ST3GAL1: variants seen among roughly 807,000 people sequenced by gnomAD.
ST3GAL1 encodes ST3 beta-galactoside alpha-2,3-sialyltransferase 1.
ST3GAL1 carries 16 observed loss-of-function variants against 34.1 expected under a neutral mutation model. That is an observed-to-expected ratio of 0.47 (90% CI 0.32 to 0.71). ST3GAL1 has a LOEUF of 0.71. Ranked by LOEUF, ST3GAL1 falls within the 30% of genes least tolerant of loss-of-function variation. The pLI is 0.04. For missense variants in ST3GAL1, 353 were observed against 447.4 expected (o/e 0.79, Z 1.90); for synonymous variants, 191 against 184.7 (o/e 1.03, Z -0.28).
intron 2 of ST3GAL1, among the ~76,000 whole-genome samples, chr8:133,501,264 C>T (rs1048328178): frequency 1.3e-5 from 2 of 152,156 alleles, no homozygotes; most frequent in Middle Eastern, 3.2e-3. Flanking sequence ...CAGGAAAACA[C>T]TCAGGCTCCT....
intron 5 of ST3GAL1, among the ~76,000 whole-genome samples, chr8:133,474,020 G>T (rs1353080110): frequency 6.6e-6 from 1 of 152,236 alleles, no homozygotes; most frequent in Non-Finnish European, 1.5e-5. Context: ...ACACAGTGGT[G>T]CTCAACACAG....
intron 3 of ST3GAL1, among the ~76,000 whole-genome samples, chr8:133,487,410 A>G (rs934642680): frequency 2.0e-5 from 3 of 152,194 alleles, no homozygotes; most frequent in African/African-American, 7.2e-5. Flanking sequence ...CCTCTGAGAA[A>G]TTCAGAACTG....
At chr8:133,471,561 A>G (rs986071262) in intron 5 of ST3GAL1, among the ~76,000 whole-genome samples, 1 of 152,214 alleles carries the variant, frequency 6.6e-6, no homozygotes, top group African/African-American at 2.4e-5. Context: ...TGAGGCTTAC[A>G]GAGGTGAAGT....
chr8:133,497,122 C>T (rs898889907), intron 3 of ST3GAL1, among the ~76,000 whole-genome samples: 6 of 152,238 alleles, frequency 3.9e-5, no homozygotes, highest in Non-Finnish European at 7.3e-5. Context: ...TGCACCCCTA[C>T]CTGGGCCCTG....
chr8:133,560,978 G>A (rs1029167153), intron 1 of ST3GAL1, among the ~76,000 whole-genome samples: 1 of 152,104 alleles, frequency 6.6e-6, no homozygotes, highest in African/African-American at 2.4e-5. Context: ...AGGCAATGCA[G>A]CCCAGCCCAG....
At chr8:133,497,143 G>A (rs1448078779) in intron 3 of ST3GAL1, among the ~76,000 whole-genome samples, 1 of 152,220 alleles carries the variant, frequency 6.6e-6, no homozygotes, top group African/African-American at 2.4e-5. Flanking sequence ...TCTGCCTGCT[G>A]CACCTCCCTC....
intron 5 of ST3GAL1, among the ~76,000 whole-genome samples, chr8:133,472,763 A>G (rs1020499569): frequency 6.6e-6 from 1 of 152,176 alleles, no homozygotes; most frequent in Non-Finnish European, 1.5e-5. Context: ...TAAACTTCAG[A>G]AAAAGACTGC....
rs1392707503 is a variant in ST3GAL1, at chr8:133,466,880, C to T, written c.307-790G>A. Among the ~76,000 whole-genome samples, 14 of 152,118 alleles carry T rather than the reference C, an allele frequency of 9.2e-5. No individual in the cohort carries two copies. The highest frequency in any genetic ancestry group is 7.2e-4 in the Admixed American group (11 of 15,276). ...TTGGGAGACCGAGGCAGGTGGATCACGAAGTCAGGAGTTTGAGACCAGCCT... is the reference window on the plus strand; with the variant it reads ...TTGGGAGACCGAGGCAGGTGGATCATGAAGTCAGGAGTTTGAGACCAGCCT... On this transcript the variant is annotated intron_variant, in intron 5 of 9. Transcript: ENST00000522652. The surrounding 1 kb of genome is among the most constrained non-coding windows in gnomAD (Gnocchi z 4.4).
chr8:133,476,408 TC>T lies in ST3GAL1; in HGVS notation c.-182del, dbSNP rs201903238. The T allele has an allele frequency of 5.0e-3, 823 of 165,564 alleles. 7 individuals carry two copies. The highest frequency in any genetic ancestry group is 0.019 in the African/African-American group (784 of 41,832). The allele number at this position is 165,564 out of a possible 1,614,324, so 10.3% of individuals were successfully genotyped here. On this transcript the variant is annotated 5_prime_UTR_variant, in exon 4 of 10. Transcript: ENST00000522652. ...AAGGGGTCATTAATCTCTGTGACAG[TC>T]CAGGGTCCCTCAGGAGCGAGGACCT...
At chr8:133,569,400 A>G (rs1278806881) in intron 1 of ST3GAL1, among the ~76,000 whole-genome samples, 1 of 152,258 alleles carries the variant, frequency 6.6e-6, no homozygotes, top group Non-Finnish European at 1.5e-5. Context: ...ACCTATACAT[A>G]CACACATTCA....
intron 1 of ST3GAL1, among the ~76,000 whole-genome samples, chr8:133,557,904 CA>C (rs543479046): frequency 0.13 from 8,643 of 65,352 alleles, 732 homozygotes; most frequent in African/African-American, 0.33. Context: ...GACTCCGTCT[CA>C]AAAAAAAAAA....
intron 2 of ST3GAL1, among the ~76,000 whole-genome samples, chr8:133,521,487 C>CG (rs1817807217): frequency 1.3e-5 from 2 of 152,108 alleles, no homozygotes; most frequent in South Asian, 4.1e-4. Flanking sequence ...TTATTAGAGA[C>CG]GGGGTTTCAT....
At chr8:133,495,575 G>C (rs560725236) in intron 3 of ST3GAL1, among the ~76,000 whole-genome samples, 3 of 152,306 alleles carry the variant, frequency 2.0e-5, no homozygotes, top group African/African-American at 7.2e-5. Flanking sequence ...ACATCTTGCT[G>C]GGTAGACAAA....
intron 5 of ST3GAL1, among the ~76,000 whole-genome samples, chr8:133,473,317 CAA>C (rs1563699652): frequency 6.6e-6 from 1 of 152,130 alleles, no homozygotes. Flanking sequence ...TTCTCTTTTG[CAA>C]AAGTCACCTA....
rs1241969812 is a variant in ST3GAL1 at position 133,469,859 on chromosome 8, C to G, written c.307-3769G>C. ...GCCTCACCTAACATCACAAGCCCCA[C>G]GCTTCAGAAATCTCAGACCCATTCC... On this transcript the variant is annotated intron_variant, in intron 5 of 9. Coordinates refer to ENST00000522652, the MANE Select transcript of ST3GAL1 (RefSeq NM_173344.3). This position sits in a 1 kb window ranked among gnomAD's most constrained non-coding sequence, Gnocchi z 4.3. Among the ~76,000 whole-genome samples, 1 of 152,128 alleles carries G rather than the reference C, an allele frequency of 6.6e-6. No homozygotes were observed. Among genetic ancestry groups the G allele is most frequent in the African/African-American group, 2.4e-5 (1 of 41,406 alleles).
intron 3 of ST3GAL1, among the ~76,000 whole-genome samples, chr8:133,497,359 A>G (rs1470806077): frequency 6.6e-6 from 1 of 151,690 alleles, no homozygotes; most frequent in African/African-American, 2.4e-5. Context: ...TGCAAACTTC[A>G]CCAAACACAG....
At chr8:133,493,678 C>G (rs1310173772) in intron 3 of ST3GAL1, among the ~76,000 whole-genome samples, 1 of 152,134 alleles carries the variant, frequency 6.6e-6, no homozygotes, top group Non-Finnish European at 1.5e-5. Flanking sequence ...AATCCTGTCT[C>G]CACTAGAAAT....
chr8:133,544,837 G>C (rs11785849), intron 2 of ST3GAL1, among the ~76,000 whole-genome samples: 3 of 152,086 alleles, frequency 2.0e-5, no homozygotes, highest in African/African-American at 7.2e-5. Flanking sequence ...CAGTGTGCAC[G>C]ACAGAGAGAG....
chr8:133,506,740 G>C (rs374507007), intron 2 of ST3GAL1, among the ~76,000 whole-genome samples: 1 of 151,676 alleles, frequency 6.6e-6, no homozygotes, highest in African/African-American at 2.4e-5. Flanking sequence ...AGCCGAGATC[G>C]TGCCATTGCA....
Sources: allele counts gnomAD v4.1 joint callset (sites outside exome capture counted in the v4.1 genomes callset), GRCh38; gene constraint gnomAD v4.1.1; non-coding constraint Gnocchi (gnomAD v3.1); transcripts MANE v1.5; gene names NCBI Gene and HGNC (gene_info 2026-07-23, HGNC 2026-07-21).